COLEC11: variants seen among roughly 807,000 people sequenced by gnomAD.
COLEC11 encodes the protein collectin subfamily member 11, also known as collectin-11.
In COLEC11, 20 loss-of-function variants were observed where a neutral mutation model predicts 27.3. The observed-to-expected ratio is 0.73, with a 90% CI of 0.51 to 1.06. The LOEUF is 1.06. Ranked by LOEUF, COLEC11 falls within the 50% of genes least tolerant of loss-of-function variation. The probability of loss-of-function intolerance (pLI) is 0.00; values close to 1 mark genes in which losing one functional copy is unlikely to be tolerated. For missense variants in COLEC11, 310 were observed against 383.0 expected, an observed-to-expected ratio of 0.81 and a Z score of 1.59; for synonymous variants, 163 against 154.7, an observed-to-expected ratio of 1.05 and a Z score of -0.40.
rs1359656710 is a variant in COLEC11, at chr2:3,643,974, C to T, written c.672C>T (p.Thr224=). The T allele has an allele frequency of 1.2e-6, 2 of 1,614,194 alleles. No individual in the cohort carries two copies. The highest frequency in any genetic ancestry group is 2.2e-5 in the South Asian group (2 of 91,090). ...FVYSDHSPMR[T]FNKWRSGEPN... ...ACTCTGACCACTCCCCCATGCGGAC[C>T]TTCAACAAGTGGCGCAGCGGTGAGC... The change falls in exon 7 of 7, where the codon ACC becomes ACT. Residue 224 remains threonine, a synonymous_variant. Coordinates refer to ENST00000349077, the MANE Select transcript of COLEC11 (RefSeq NM_024027.5).
intron 3 of COLEC11, among the ~76,000 whole-genome samples, chr2:3,628,615 A>G (rs1400699482): frequency 6.6e-6 from 1 of 151,458 alleles, no homozygotes; most frequent in Non-Finnish European, 1.5e-5. Flanking sequence ...GGAAAGTGAG[A>G]CCCCCCACCC....
chr2:3,625,882 C>T (rs748703875), intron 3 of COLEC11: 2 of 801,284 alleles, frequency 2.5e-6, no homozygotes, highest in Non-Finnish European at 4.3e-6. Flanking sequence ...ATCCGCCTAC[C>T]TTGGCCTCCC....
intron 1 of COLEC11, among the ~76,000 whole-genome samples, chr2:3,599,805 T>G (rs997165608): frequency 1.3e-5 from 2 of 152,242 alleles, no homozygotes; most frequent in East Asian, 1.9e-4. Flanking sequence ...CGCCACCAGC[T>G]GTGCCCTTCC....
At position 3,620,452 on chromosome 2, in the gene COLEC11, G is replaced by A. The variant is rs768371427; in HGVS notation, c.202+7070G>A. Among the ~76,000 whole-genome samples the A allele has an allele frequency of 5.9e-4, 90 of 151,586 alleles. 3 individuals are homozygous for A. Among genetic ancestry groups the A allele is most frequent in the Non-Finnish European group, 1.3e-4 (9 of 67,938 alleles). ...GAGTTACCTCTTTTTTCTTCGTCTAGCTAAAGGTTCGTCAATTTTTTTTTT... is the reference window on the plus strand; with the variant it reads ...GAGTTACCTCTTTTTTCTTCGTCTAACTAAAGGTTCGTCAATTTTTTTTTT... On this transcript the variant is annotated intron_variant, in intron 3 of 6. Coordinates refer to ENST00000349077, the MANE Select transcript of COLEC11 (RefSeq NM_024027.5).
chr2:3,622,402 A>T (rs961301423), intron 3 of COLEC11, among the ~76,000 whole-genome samples: 1 of 152,162 alleles, frequency 6.6e-6, no homozygotes, highest in African/African-American at 2.4e-5. Context: ...TAACCTTTAT[A>T]CTAGAGTTAT....
At chr2:3,607,880 TC>T (rs1662855917) in intron 2 of COLEC11, among the ~76,000 whole-genome samples, 1 of 152,234 alleles carries the variant, frequency 6.6e-6, no homozygotes, top group Non-Finnish European at 1.5e-5. Context: ...CTGTGCCGTC[TC>T]CCCTTGTGTA....
intron 5 of COLEC11, among the ~76,000 whole-genome samples, chr2:3,641,984 G>A (rs985756522): frequency 3.9e-5 from 6 of 152,238 alleles, no homozygotes; most frequent in African/African-American, 1.4e-4. Flanking sequence ...CCGGCACCAC[G>A]GAGGCGATGA....
intron 2 of COLEC11, chr2:3,606,311 C>T (rs1336990004): frequency 7.2e-7 from 1 of 1,390,716 alleles, no homozygotes; most frequent in South Asian, 1.2e-5. Flanking sequence ...CCGCCTTTCC[C>T]AGGTGCTGTT....
intron 3 of COLEC11, among the ~76,000 whole-genome samples, chr2:3,627,116 CA>C (rs1403586982): frequency 1.3e-5 from 2 of 152,192 alleles, no homozygotes; most frequent in African/African-American, 4.8e-5. Context: ...GCTTCCATGG[CA>C]TTATGCTGTG....
intron 2 of COLEC11, chr2:3,605,944 G>C: frequency 1.0e-6 from 1 of 984,770 alleles, no homozygotes; most frequent in Non-Finnish European, 1.5e-6. Context: ...CTGCAGCCCA[G>C]ACAAGCCCAG....
intron 3 of COLEC11, among the ~76,000 whole-genome samples, chr2:3,627,863 C>T (rs1312211791): frequency 1.3e-5 from 2 of 152,228 alleles, no homozygotes; most frequent in Admixed American, 1.3e-4. Flanking sequence ...TGGGTCTCAG[C>T]ACCTGTCCCA....
At chr2:3,630,587 A>C (rs184649024) in intron 3 of COLEC11, among the ~76,000 whole-genome samples, 1 of 152,310 alleles carries the variant, frequency 6.6e-6, no homozygotes, top group Admixed American at 6.5e-5. Context: ...CAAACTGGGA[A>C]AGTTGGATGC....
intron 5 of COLEC11, chr2:3,641,413 G>C (rs1181660973): frequency 7.7e-7 from 1 of 1,292,830 alleles, no homozygotes; most frequent in Admixed American, 2.3e-5. Flanking sequence ...AAAGCCTCTG[G>C]GAGACAGAAG....
In COLEC11 at chr2:3,615,183, G is replaced by C. The variant is rs182024085; in HGVS notation, c.202+1801G>C. On this transcript the variant is annotated intron_variant, in intron 3 of 6. Transcript: ENST00000349077. ...TATTGATCACTCTTGGGTATTTCTC[G>C]CAGAGGGGGATTTGGCAGGGTCATA... Among the ~76,000 whole-genome samples, 6 of 150,932 alleles carry C rather than the reference G, an allele frequency of 4.0e-5. No individual in the cohort carries two copies. In the East Asian group the frequency reaches 5.8e-4, roughly 15 times the overall value.
chr2:3,627,115 G>A (rs1664613243), intron 3 of COLEC11, among the ~76,000 whole-genome samples: 1 of 152,160 alleles, frequency 6.6e-6, no homozygotes, highest in Admixed American at 6.5e-5. Flanking sequence ...GGCTTCCATG[G>A]CATTATGCTG....
At chr2:3,605,885 C>CT (rs1041944566) in intron 2 of COLEC11, 1 of 545,662 alleles carries the variant, frequency 1.8e-6, no homozygotes, top group South Asian at 2.1e-5. Flanking sequence ...TGGCTGGGGG[C>CT]TTTTTTCCGG....
At chr2:3,633,986 C>T (rs1311310549) in intron 3 of COLEC11, among the ~76,000 whole-genome samples, 1 of 152,178 alleles carries the variant, frequency 6.6e-6, no homozygotes, top group East Asian at 1.9e-4. Flanking sequence ...AGCAGAAGCA[C>T]GGGGCTCACC....
chr2:3,629,362 G>A (rs930704878), intron 3 of COLEC11, among the ~76,000 whole-genome samples: 2 of 152,198 alleles, frequency 1.3e-5, no homozygotes, highest in Admixed American at 6.5e-5. Flanking sequence ...TGTGTGGCTG[G>A]TATGTGGAGG....
chr2:3,616,400 A>G (rs980407467), intron 3 of COLEC11, among the ~76,000 whole-genome samples: 36 of 151,898 alleles, frequency 2.4e-4, no homozygotes, highest in African/African-American at 8.3e-4. Flanking sequence ...TGGGAGGCCA[A>G]GGCAGGCGGC....
Sources: gnomAD v4.1 joint callset for allele counts (sites outside exome capture counted in the v4.1 genomes callset) on GRCh38, gnomAD v4.1.1 for gene constraint, MANE v1.5 for transcripts, NCBI Gene and HGNC (gene_info 2026-07-23, HGNC 2026-07-21) for gene names.